TSPAN11: variants seen among roughly 807,000 people sequenced by gnomAD.
The protein encoded by TSPAN11 is tetraspanin 11, also known as tetraspanin-11.
TSPAN11 carries 29 observed loss-of-function variants against 32.9 expected under a neutral mutation model. That is an observed-to-expected ratio of 0.88 (90% CI 0.66 to 1.20). The LOEUF is 1.20. TSPAN11 is among the 50% of genes most tolerant of loss of function. TSPAN11 has a pLI of 0.00. For synonymous variants in TSPAN11, 140 were observed against 141.3 expected, an observed-to-expected ratio of 0.99 and a Z score of 0.07; for missense variants, 283 against 329.1, an observed-to-expected ratio of 0.86 and a Z score of 1.08.
downstream of TSPAN11, chr12:30,999,372 T>G (rs1397258166): frequency 6.6e-6 from 1 of 151,244 alleles, no homozygotes; most frequent in Non-Finnish European, 1.5e-5. Flanking sequence ...AGAAAAGAAA[T>G]AAAAGAAAAT....
At chr12:31,009,240 C>T in the TSPAN11 span, among the ~76,000 whole-genome samples, 1 of 152,230 alleles carries the variant, frequency 6.6e-6, no homozygotes, top group Non-Finnish European at 1.5e-5. Flanking sequence ...GCCCTGTTCT[C>T]AATCCAATCC....
intron 1 of TSPAN11, among the ~76,000 whole-genome samples, chr12:30,930,154 C>T (rs1937890944): frequency 6.6e-6 from 1 of 152,140 alleles, no homozygotes; most frequent in South Asian, 2.1e-4. Flanking sequence ...TAGGTTTATA[C>T]TCACAAGATG....
At position 30,991,864 on chromosome 12, in the gene TSPAN11, G is replaced by A. The variant is rs746730268; in HGVS notation, c.711G>A (p.Gly237=). Residue 237 remains glycine, a synonymous_variant, in exon 8 of 8, where the codon GGG becomes GGA. Coordinates refer to ENST00000546076, the MANE Select transcript of TSPAN11 (RefSeq NM_001370302.1). ...CTCTCTCCACCTGGCAGATCTGCGG[G>A]ATGGTTCTCACCTGCTGCTTGCACC... is the stretch of plus-strand genomic sequence containing the variant. ...GIGVACLQIC[G]MVLTCCLHQR... is the part of the protein sequence containing the mutation. 10 of 1,614,160 alleles carry A rather than the reference G, an allele frequency of 6.2e-6. No homozygotes were observed. In the South Asian group the frequency reaches 8.8e-5, roughly 14 times the overall value.
chr12:30,983,267 C>CTA, intron 7 of TSPAN11, 117 bp downstream of exon 7: 1 of 944,506 alleles, frequency 1.1e-6, no homozygotes, highest in East Asian at 2.7e-5. Context: ...CACCCGCACC[C>CTA]TACCCTGCTC....
Position 30,963,864 on chromosome 12 carries a change from C to T in TSPAN11, c.123C>T (p.Thr41=). ...GAAVLAVGIW[T]LVEKSGYLSV... is the part of the protein sequence containing the mutation. ...CCGTCCTGGCTGTGGGCATCTGGAC[C>T]CTGGTGGAGAAGAGTGGCTACCTCA... The change falls in exon 3 of 8, where the codon ACC becomes ACT. Residue 41 remains threonine, a synonymous_variant. Coordinates refer to ENST00000546076, the MANE Select transcript of TSPAN11 (RefSeq NM_001370302.1). 6.2e-7 allele frequency: 1 copy of T among 1,611,958 alleles called. No individual in the cohort carries two copies. Among genetic ancestry groups the T allele is most frequent in the East Asian group, 2.2e-5 (1 of 44,882 alleles).
chr12:30,978,707 A>C, intron 4 of TSPAN11, 72 bp downstream of exon 4: 1 of 1,521,264 alleles, frequency 6.6e-7, no homozygotes, highest in Non-Finnish European at 9.1e-7. Context: ...GGAGGTTTGC[A>C]TTGTGATGAG....
intron 1 of TSPAN11, among the ~76,000 whole-genome samples, chr12:30,946,681 A>T (rs956166642): frequency 3.3e-5 from 5 of 152,254 alleles, no homozygotes; most frequent in African/African-American, 4.8e-5. Flanking sequence ...GCCCTGGAGC[A>T]TTCAGACAGG....
intron 7 of TSPAN11, among the ~76,000 whole-genome samples, chr12:30,988,989 T>C (rs1313006301): frequency 6.6e-6 from 1 of 152,240 alleles, no homozygotes; most frequent in African/African-American, 2.4e-5. Context: ...GCCCAGCCCT[T>C]TTCCTGCAGC....
Position 30,995,474 on chromosome 12 carries a change from G to C in TSPAN11, c.*3559G>C, listed in dbSNP as rs1365891568. 1 of 152,310 alleles carries C rather than the reference G, an allele frequency of 6.6e-6. No individual in the cohort carries two copies. The highest frequency in any genetic ancestry group is 1.5e-5 in the Non-Finnish European group (1 of 68,118). The allele number at this position is 152,310 out of a possible 1,614,324, so 9.4% of individuals were successfully genotyped here. A position where few individuals can be genotyped will look rare whatever the true frequency, so the allele number is the denominator to read the frequency against. On this transcript the variant is annotated 3_prime_UTR_variant, in exon 8 of 8. Coordinates refer to ENST00000546076, the MANE Select transcript of TSPAN11 (RefSeq NM_001370302.1). ...GCCAGAGGTGTTTACATCCAGAAGG[G>C]CCCAGCACGGCCCTGTGGGGTGTGG... is the stretch of plus-strand genomic sequence containing the variant.
At chr12:30,931,326 A>T (rs1171652118) in intron 1 of TSPAN11, among the ~76,000 whole-genome samples, 1 of 152,192 alleles carries the variant, frequency 6.6e-6, no homozygotes, top group Non-Finnish European at 1.5e-5. Context: ...TAGTGTGTTT[A>T]AAAAGCTCAG....
At chr12:31,008,490 T>C in the TSPAN11 span, among the ~76,000 whole-genome samples, 3 of 152,110 alleles carry the variant, frequency 2.0e-5, no homozygotes, top group Non-Finnish European at 4.4e-5. Context: ...AGGGCAGCCA[T>C]GAGTCAGGAG....
chr12:30,928,450 G>A (rs569526478), intron 1 of TSPAN11, among the ~76,000 whole-genome samples: 5 of 152,278 alleles, frequency 3.3e-5, no homozygotes, highest in African/African-American at 9.6e-5. Flanking sequence ...CAGGGCCAAC[G>A]CTGGACTGGG....
chr12:30,932,448 A>T (rs903051041), intron 1 of TSPAN11, among the ~76,000 whole-genome samples: 1 of 152,158 alleles, frequency 6.6e-6, no homozygotes, highest in Non-Finnish European at 1.5e-5. Flanking sequence ...TGCTGCTCTC[A>T]ACTACTCATC....
At chr12:30,932,671 T>A (rs1025060316) in intron 1 of TSPAN11, among the ~76,000 whole-genome samples, 12 of 152,146 alleles carry the variant, frequency 7.9e-5, no homozygotes, top group Non-Finnish European at 1.8e-4. Context: ...CCTTTGGAGA[T>A]CTACTAAAAC....
intron 7 of TSPAN11, 26 bp from the exon 8 acceptor site, chr12:30,991,829 TG>T: frequency 2.9e-5 from 47 of 1,613,998 alleles, no homozygotes; most frequent in Non-Finnish European, 4.0e-5. Flanking sequence ...GATTTCTCTT[TG>T]CTCCTCTGCT....
At chr12:30,931,004 T>G (rs561204823) in intron 1 of TSPAN11, among the ~76,000 whole-genome samples, 1 of 152,304 alleles carries the variant, frequency 6.6e-6, no homozygotes, top group African/African-American at 2.4e-5. Context: ...GAATTGAGGA[T>G]GTTACAGAGG....
chr12:30,952,798 C>T (rs1226198619), intron 1 of TSPAN11, among the ~76,000 whole-genome samples: 2 of 152,274 alleles, frequency 1.3e-5, no homozygotes, highest in African/African-American at 2.4e-5. Context: ...CTGAACAGGA[C>T]GACTGGCTGA....
rs1434356316 is a variant in TSPAN11, at chr12:30,959,865, A to G, written c.85-3961A>G. On this transcript the variant is annotated intron_variant, in intron 2 of 7. Coordinates refer to ENST00000546076, the MANE Select transcript of TSPAN11 (RefSeq NM_001370302.1). ...AAAAGTCAGGTTAAGGCCAGACAGT[A>G]AGAGCACCGAGGCCATGCAAAAGAG... 2.6e-5 allele frequency among the ~76,000 whole-genome samples: 4 copies of G among 151,418 alleles called. No individual in the cohort carries two copies. In the East Asian group the frequency reaches 7.8e-4, roughly 30 times the overall value.
chr12:30,965,417 C>T (rs1287215256), intron 3 of TSPAN11, among the ~76,000 whole-genome samples: 1 of 152,128 alleles, frequency 6.6e-6, no homozygotes, highest in Non-Finnish European at 1.5e-5. Context: ...GAGGACAGGA[C>T]TCACCTCTGG....
Sources: gnomAD v4.1 joint callset for allele counts (sites outside exome capture counted in the v4.1 genomes callset) on GRCh38, gnomAD v4.1.1 for gene constraint, MANE v1.5 for transcripts, NCBI Gene and HGNC (gene_info 2026-07-23, HGNC 2026-07-21) for gene names.